The following IQCM variants were observed in gnomAD, a reference collection of about 807,000 sequenced individuals.
IQCM encodes IQ motif containing M, also known as IQ domain-containing protein M.
A neutral mutation model predicts 57.6 loss-of-function variants in IQCM; 45 were observed. The observed-to-expected ratio is 0.78, with a 90% CI of 0.62 to 1.00. The LOEUF (loss-of-function observed/expected upper bound fraction) is 1.00. IQCM is among the 50% of genes least tolerant of loss of function. The pLI is 0.00. For missense variants in IQCM, 468 were observed against 511.6 expected, an observed-to-expected ratio of 0.91 and a Z score of 0.82; for synonymous variants, 148 against 158.9, an observed-to-expected ratio of 0.93 and a Z score of 0.51.
At chr4:149,495,055 G>T (rs759207705) in intron 12 of IQCM, among the ~76,000 whole-genome samples, 1 of 152,036 alleles carries the variant, frequency 6.6e-6, no homozygotes, top group Non-Finnish European at 1.5e-5. Context: ...TAAGAAAAAG[G>T]TAGAGATAAA....
intron 13 of IQCM, among the ~76,000 whole-genome samples, chr4:149,425,486 C>T (rs1734400476): frequency 6.6e-6 from 1 of 151,938 alleles, no homozygotes; most frequent in Admixed American, 6.6e-5. Context: ...AGTCCTGGTT[C>T]AAGTCCAAAA....
rs866662866 is a variant in IQCM, at chr4:149,664,179, C to A, written c.565+17939G>T. On this transcript the variant is annotated intron_variant, in intron 7 of 13. Transcript: ENST00000636793. ...TAATATCTATCTCTTTATTGGATTTCTTGTTCAGATAATAAACTTTTTTCC... is the reference window on the plus strand; with the variant it reads ...TAATATCTATCTCTTTATTGGATTTATTGTTCAGATAATAAACTTTTTTCC... 4.6e-5 allele frequency among the ~76,000 whole-genome samples: 7 copies of A among 152,116 alleles called. No homozygotes were observed. In the South Asian group the frequency reaches 1.0e-3, roughly 23 times the overall value.
intron 12 of IQCM, among the ~76,000 whole-genome samples, chr4:149,452,273 T>C (rs1737201974): frequency 6.6e-6 from 1 of 151,604 alleles, no homozygotes. Flanking sequence ...TCTCCCCAAA[T>C]TGATCTACAG....
rs1472477585 is a variant in IQCM, at chr4:149,661,351, T to C, written c.565+20767A>G. 2.0e-5 allele frequency among the ~76,000 whole-genome samples: 3 copies of C among 152,128 alleles called. No individual in the cohort carries two copies. In the East Asian group the frequency reaches 5.8e-4, roughly 29 times the overall value. ...GATCTTTTTAATGTGCTGTTGGATT[T>C]AGTTTGCTAGTATATTGTTGAGAAT... is the stretch of plus-strand genomic sequence containing the variant. On this transcript the variant is annotated intron_variant, in intron 7 of 13. Coordinates refer to ENST00000636793, the MANE Select transcript of IQCM (RefSeq NM_001363507.2).
intron 8 of IQCM, among the ~76,000 whole-genome samples, chr4:149,605,814 T>A (rs1754725352): frequency 6.6e-6 from 1 of 151,224 alleles, no homozygotes; most frequent in Non-Finnish European, 1.5e-5. Context: ...AGTCACTGAG[T>A]CAGTGAAGCT....
intron 7 of IQCM, among the ~76,000 whole-genome samples, chr4:149,659,803 T>A (rs1760003805): frequency 6.6e-6 from 1 of 151,758 alleles, no homozygotes; most frequent in Non-Finnish European, 1.5e-5. Flanking sequence ...ACTGGATCCC[T>A]TCCTTACACC....
At chr4:149,692,313 C>T (rs1361470512) in intron 5 of IQCM, among the ~76,000 whole-genome samples, 2 of 152,180 alleles carry the variant, frequency 1.3e-5, no homozygotes, top group African/African-American at 2.4e-5. Context: ...CAACAGAGCG[C>T]AACCTTTCTT....
At chr4:149,460,907 C>T (rs1738203549) in intron 12 of IQCM, among the ~76,000 whole-genome samples, 2 of 152,114 alleles carry the variant, frequency 1.3e-5, no homozygotes, top group African/African-American at 4.8e-5. Flanking sequence ...TAGTGTTACA[C>T]ACTAAAATTT....
chr4:149,673,665 A>T (rs935838877), intron 7 of IQCM, among the ~76,000 whole-genome samples: 1 of 152,224 alleles, frequency 6.6e-6, no homozygotes. Context: ...CTCCCACACA[A>T]TAATAATGGG....
chr4:149,628,975 A>G (rs542670414), intron 7 of IQCM, among the ~76,000 whole-genome samples: 5 of 152,316 alleles, frequency 3.3e-5, no homozygotes, highest in African/African-American at 1.2e-4. Flanking sequence ...CTAGGAAAAA[A>G]CACCATTATC....
chr4:149,751,798 G>C (rs1768472776), intron 2 of IQCM, among the ~76,000 whole-genome samples: 2 of 152,092 alleles, frequency 1.3e-5, no homozygotes, highest in Non-Finnish European at 2.9e-5. Context: ...GAGAGAGAAT[G>C]AGTTCTCTGA....
chr4:149,520,927 G>A (rs567439838), intron 12 of IQCM, among the ~76,000 whole-genome samples: 6 of 152,064 alleles, frequency 3.9e-5, no homozygotes, highest in Admixed American at 6.5e-5. Flanking sequence ...AGCCTCTCTC[G>A]CTGCTCTGCT....
chr4:149,480,615 T>A (rs1311194887), intron 12 of IQCM, among the ~76,000 whole-genome samples: 1 of 152,238 alleles, frequency 6.6e-6, no homozygotes, highest in East Asian at 1.9e-4. Flanking sequence ...AGTTGAATAC[T>A]ACTCCATTGT....
intron 5 of IQCM, among the ~76,000 whole-genome samples, chr4:149,707,841 T>C (rs1176494940): frequency 1.3e-5 from 2 of 152,048 alleles, no homozygotes; most frequent in African/African-American, 4.8e-5. Context: ...AGAGACCCTA[T>C]GGAGAGGCTT....
intron 12 of IQCM, among the ~76,000 whole-genome samples, chr4:149,537,440 A>G (rs1049507954): frequency 1.3e-5 from 2 of 151,900 alleles, no homozygotes; most frequent in African/African-American, 4.8e-5. Flanking sequence ...AGAAAGAAAG[A>G]TGTAAAAATA....
intron 2 of IQCM, among the ~76,000 whole-genome samples, chr4:149,788,018 G>A (rs191897487): frequency 1.3e-4 from 20 of 152,234 alleles, no homozygotes; most frequent in African/African-American, 3.6e-4. Flanking sequence ...GGCAAAGGAC[G>A]TGAATAGACA....
At chr4:149,585,052 C>T (rs1032737930) in intron 9 of IQCM, among the ~76,000 whole-genome samples, 2 of 151,706 alleles carry the variant, frequency 1.3e-5, no homozygotes, top group Admixed American at 1.3e-4. Flanking sequence ...AGGGTTCCCG[C>T]AAAGCTTGTG....
chr4:149,588,104 A>G lies in IQCM; in HGVS notation c.682-107T>C, dbSNP rs747990076. On this transcript the variant is annotated intron_variant, in intron 8 of 13. Transcript: ENST00000636793. ...TTATATTATCAAAGGGAGAATCATT[A>G]TAATATATATTATGAATCTGCACAT... 329 of 426,944 alleles carry G rather than the reference A, an allele frequency of 7.7e-4. 1 individual carries two copies. Among genetic ancestry groups the G allele is most frequent in the Non-Finnish European group, 1.7e-4 (44 of 256,318 alleles). 26.4% of individuals were successfully genotyped at this position (426,944 alleles called of 1,614,324 possible). A position where few individuals can be genotyped will look rare whatever the true frequency, so the allele number is the denominator to read the frequency against.
chr4:149,571,575 A>T (rs960249681), intron 9 of IQCM, among the ~76,000 whole-genome samples: 2 of 152,096 alleles, frequency 1.3e-5, no homozygotes, highest in Non-Finnish European at 2.9e-5. Flanking sequence ...ATTGTATAAC[A>T]TGGTGACTAT....
Sources: gnomAD v4.1 joint callset for allele counts (sites outside exome capture counted in the v4.1 genomes callset) on GRCh38, gnomAD v4.1.1 for gene constraint, MANE v1.5 for transcripts, NCBI Gene and HGNC (gene_info 2026-07-23, HGNC 2026-07-21) for gene names.